RTL4: variants seen among roughly 807,000 people sequenced by gnomAD.
RTL4 encodes the protein retrotransposon Gag like 4, also known as retrotransposon Gag-like protein 4.
Under a neutral mutation model 5.3 loss-of-function variants are expected in RTL4, and 4 were observed. That is an observed-to-expected ratio of 0.75 (90% CI 0.37 to 1.72). The LOEUF (loss-of-function observed/expected upper bound fraction) is 1.72. RTL4 is among the 40% of genes most tolerant of loss of function. The probability of loss-of-function intolerance (pLI) is 0.04; values close to 1 mark genes in which losing one functional copy is unlikely to be tolerated. For missense variants in RTL4, 260 were observed against 227.1 expected (o/e 1.14, Z -0.93); for synonymous variants, 98 against 87.3 (o/e 1.12, Z -0.68).
chrX:112,430,614 T>A, the RTL4 span, among the ~76,000 whole-genome samples: 1 of 111,571 alleles, frequency 9.0e-6, no homozygotes, highest in East Asian at 2.8e-4. Flanking sequence ...TTGAGACGGA[T>A]TCTCACTCTG....
chrX:112,083,262 T>C, the RTL4 span, among the ~76,000 whole-genome samples: 1 of 111,543 alleles, frequency 9.0e-6, no homozygotes, highest in Non-Finnish European at 1.9e-5. Context: ...GCTAGCAGAG[T>C]CTCTCTTTGC....
chrX:112,101,114 T>A, the RTL4 span, among the ~76,000 whole-genome samples: 1 of 111,899 alleles, frequency 8.9e-6, no homozygotes, highest in East Asian at 2.8e-4. Flanking sequence ...GTTAAAAAAA[T>A]TTTCATATTT....
the RTL4 span, among the ~76,000 whole-genome samples, chrX:112,294,753 A>G: frequency 8.9e-6 from 1 of 112,083 alleles, no homozygotes; most frequent in Non-Finnish European, 1.9e-5. Flanking sequence ...AATTTATAAC[A>G]TGTTCTTTGA....
chrX:112,419,594 T>TACA, the RTL4 span, among the ~76,000 whole-genome samples: 1 of 47,798 alleles, frequency 2.1e-5, no homozygotes, highest in Non-Finnish European at 4.0e-5. Context: ...TATATATATA[T>TACA]TTTTACATAT....
the RTL4 span, among the ~76,000 whole-genome samples, chrX:112,256,392 C>T: frequency 9.0e-6 from 1 of 111,717 alleles, no homozygotes; most frequent in Non-Finnish European, 1.9e-5. Context: ...TGATAGCATA[C>T]TACACACACT....
the RTL4 span, among the ~76,000 whole-genome samples, chrX:112,390,311 G>A: frequency 1.0e-5 from 1 of 99,999 alleles, no homozygotes; most frequent in Non-Finnish European, 2.0e-5. Flanking sequence ...AATTAAATGG[G>A]CATGGTGGTG....
At chrX:112,166,742 G>GT in the RTL4 span, among the ~76,000 whole-genome samples, 4 of 111,938 alleles carry the variant, frequency 3.6e-5, no homozygotes, top group Non-Finnish European at 7.5e-5. Flanking sequence ...AATTATCTGA[G>GT]TGTGTCTGTG....
the RTL4 span, among the ~76,000 whole-genome samples, chrX:112,278,035 T>G: frequency 1.4e-4 from 16 of 112,118 alleles, no homozygotes; most frequent in Non-Finnish European, 3.0e-4. Flanking sequence ...CTATTTGATG[T>G]TACTTACTAT....
the RTL4 span, among the ~76,000 whole-genome samples, chrX:112,280,404 C>T: frequency 2.7e-5 from 3 of 111,616 alleles, no homozygotes; most frequent in African/African-American, 9.8e-5. Context: ...ATAACACAAA[C>T]CTCAGCGGTA....
the RTL4 span, among the ~76,000 whole-genome samples, chrX:112,359,464 G>A: frequency 9.0e-6 from 1 of 111,228 alleles, no homozygotes. Context: ...TATTTTTTAT[G>A]TAATGGAAAT....
the RTL4 span, among the ~76,000 whole-genome samples, chrX:112,236,843 TA>T: frequency 1.8e-5 from 2 of 111,171 alleles, no homozygotes; most frequent in Non-Finnish European, 3.8e-5. Flanking sequence ...CACGTGTGAT[TA>T]AGTTAAGCAT....
the RTL4 span, among the ~76,000 whole-genome samples, chrX:112,113,375 G>A: frequency 4.9e-4 from 55 of 111,535 alleles, no homozygotes; most frequent in African/African-American, 1.8e-3. Context: ...CAGGCATAAT[G>A]AGAAAGGCAT....
chrX:112,300,756 G>A, the RTL4 span, among the ~76,000 whole-genome samples: 1 of 112,341 alleles, frequency 8.9e-6, no homozygotes, highest in African/African-American at 3.2e-5. Flanking sequence ...CCATCGTATG[G>A]CACTGCAGCC....
At chrX:112,144,509 A>C in the RTL4 span, among the ~76,000 whole-genome samples, 1 of 111,272 alleles carries the variant, frequency 9.0e-6, no homozygotes, top group Non-Finnish European at 1.9e-5. Context: ...AGAACCACTG[A>C]GTTCTCAAAG....
the RTL4 span, among the ~76,000 whole-genome samples, chrX:112,283,304 C>A: frequency 9.0e-6 from 1 of 111,653 alleles, no homozygotes; most frequent in Non-Finnish European, 1.9e-5. Flanking sequence ...TTTTGGACAT[C>A]AGTTTTCTCA....
At chrX:112,244,755 T>A in the RTL4 span, among the ~76,000 whole-genome samples, 2 of 111,860 alleles carry the variant, frequency 1.8e-5, no homozygotes, top group Non-Finnish European at 3.8e-5. Flanking sequence ...AGCTGGTTAT[T>A]TTGCCTGTTC....
At chrX:112,431,549 G>A in the RTL4 span, among the ~76,000 whole-genome samples, 13 of 110,780 alleles carry the variant, frequency 1.2e-4, no homozygotes, top group African/African-American at 3.9e-4. Flanking sequence ...GGAAATTTCT[G>A]CTCCTGGGTT....
the RTL4 span, among the ~76,000 whole-genome samples, chrX:112,249,252 A>G: frequency 6.2e-5 from 7 of 112,164 alleles, no homozygotes; most frequent in Non-Finnish European, 1.1e-4. Flanking sequence ...GATTATACTG[A>G]TGTAAATTAA....
At chrX:112,235,069 C>T in the RTL4 span, among the ~76,000 whole-genome samples, 34 of 111,208 alleles carry the variant, frequency 3.1e-4, no homozygotes, top group African/African-American at 1.1e-3. Flanking sequence ...TTTTTAACCC[C>T]AAATTGTTTC....
Sources: gnomAD v4.1 joint callset for allele counts (sites outside exome capture counted in the v4.1 genomes callset) on GRCh38, gnomAD v4.1.1 for gene constraint, MANE v1.5 for transcripts, NCBI Gene and HGNC (gene_info 2026-07-23, HGNC 2026-07-21) for gene names.